Variants in PTPRD observed in about 807,000 individuals in gnomAD.
PTPRD encodes receptor-type tyrosine-protein phosphatase delta.
A neutral mutation model predicts 214.5 loss-of-function variants in PTPRD; 34 were observed. That is an observed-to-expected ratio of 0.16 (90% CI 0.12 to 0.21). The LOEUF (loss-of-function observed/expected upper bound fraction) is 0.21. Among genes scored for constraint, PTPRD ranks in the 10% least tolerant of loss-of-function variants. The probability of loss-of-function intolerance (pLI) is 1.00; values close to 1 mark genes in which losing one functional copy is unlikely to be tolerated. For synonymous variants in PTPRD, 1,128 were observed against 845.7 expected, an observed-to-expected ratio of 1.33 and a Z score of -5.79; for missense variants, 2,545 against 2,398.7, an observed-to-expected ratio of 1.06 and a Z score of -1.27.
At chr9:10,433,103 T>C (rs111657787) in intron 2 of PTPRD, among the ~76,000 whole-genome samples, 6 of 152,036 alleles carry the variant, frequency 3.9e-5, no homozygotes, top group African/African-American at 1.4e-4. Context: ...TGTATGTGTT[T>C]GTCCTTTTCT....
At chr9:9,292,410 A>C (rs1167527322) in intron 9 of PTPRD, among the ~76,000 whole-genome samples, 1 of 151,450 alleles carries the variant, frequency 6.6e-6, no homozygotes, top group African/African-American at 2.4e-5. Context: ...TCAGTAACAC[A>C]TAAGAGGTTT....
chr9:8,736,997 C>A (rs572749547), intron 11 of PTPRD, among the ~76,000 whole-genome samples: 1 of 152,172 alleles, frequency 6.6e-6, no homozygotes, highest in Non-Finnish European at 1.5e-5. Flanking sequence ...TCAGTCCTGT[C>A]GGACTCAATT....
At chr9:8,616,811 C>T (rs1324347059) in intron 14 of PTPRD, among the ~76,000 whole-genome samples, 2 of 152,094 alleles carry the variant, frequency 1.3e-5, no homozygotes, top group Admixed American at 1.3e-4. Context: ...ATGTGATTTA[C>T]TCTGGCTAAA....
rs35974453 is a variant in PTPRD at position 10,280,775 on chromosome 9, A to AT, written c.-545+60187dup. Among the ~76,000 whole-genome samples the AT allele has an allele frequency of 1.9e-3, 276 of 147,754 alleles. 1 individual carries two copies. Among genetic ancestry groups the AT allele is most frequent in the African/African-American group, 5.0e-3 (201 of 40,554 alleles). On this transcript the variant is annotated intron_variant, in intron 3 of 45. Coordinates refer to ENST00000381196, the MANE Select transcript of PTPRD (RefSeq NM_002839.4). ...CAGGCATGCACCACAACACATGGCA[A>AT]TTTTTTTTTTTTTATTTTCTGTAGA...
intron 6 of PTPRD, among the ~76,000 whole-genome samples, chr9:9,763,882 A>G (rs1459990747): frequency 6.6e-6 from 1 of 152,184 alleles, no homozygotes; most frequent in Non-Finnish European, 1.5e-5. Flanking sequence ...TTGAAATATT[A>G]TGCATTCTTG....
At chr9:10,484,530 A>G (rs904007291) in intron 2 of PTPRD, among the ~76,000 whole-genome samples, 6 of 152,032 alleles carry the variant, frequency 3.9e-5, no homozygotes, top group African/African-American at 1.4e-4. Context: ...TCTTTTCTCC[A>G]TATCCTTGTT....
chr9:10,262,915 A>G (rs542198580), intron 3 of PTPRD, among the ~76,000 whole-genome samples: 2 of 152,168 alleles, frequency 1.3e-5, no homozygotes, highest in South Asian at 4.2e-4. Flanking sequence ...CTGAGGGGAG[A>G]TAATTGAATA....
At chr9:8,607,408 G>C (rs1564678748) in intron 14 of PTPRD, among the ~76,000 whole-genome samples, 1 of 152,178 alleles carries the variant, frequency 6.6e-6, no homozygotes, top group African/African-American at 2.4e-5. Flanking sequence ...ACTTTGGGAG[G>C]CTGAGGTGGG....
chr9:9,512,399 A>G (rs2096731056), intron 8 of PTPRD, among the ~76,000 whole-genome samples: 3 of 151,886 alleles, frequency 2.0e-5, no homozygotes, highest in Non-Finnish European at 2.9e-5. Flanking sequence ...GAGATAAAGT[A>G]TGCCCTTGAA....
In PTPRD at chr9:8,321,512, T is replaced by TAA. The variant is rs1385896402; in HGVS notation, c.5535-1547_5535-1546insTT. Among the ~76,000 whole-genome samples the TAA allele has an allele frequency of 2.4e-5, 3 of 126,088 alleles. No homozygotes were observed. The East Asian group carries it at 6.6e-4, about 28-fold the overall frequency. The allele number at this position is 126,088 out of a possible 152,430, so 82.7% of individuals were successfully genotyped here. A position where few individuals can be genotyped will look rare whatever the true frequency, so the allele number is the denominator to read the frequency against. On this transcript the variant is annotated intron_variant, in intron 44 of 45. Coordinates refer to ENST00000381196, the MANE Select transcript of PTPRD (RefSeq NM_002839.4). ...GTATATATATATATATATATATATA[T>TAA]ATATATATATATATAAAAGGTATAT... is the stretch of plus-strand genomic sequence containing the variant.
chr9:9,236,864 C>G (rs2099967102), intron 9 of PTPRD, among the ~76,000 whole-genome samples: 1 of 152,046 alleles, frequency 6.6e-6, no homozygotes, highest in African/African-American at 2.4e-5. Context: ...CGCCAGCTCT[C>G]AATGTGTTGT....
intron 4 of PTPRD, among the ~76,000 whole-genome samples, chr9:9,990,488 G>A (rs372930000): frequency 6.6e-6 from 1 of 152,174 alleles, no homozygotes; most frequent in African/African-American, 2.4e-5. Flanking sequence ...TTTAGCACCT[G>A]GGTGTGCCCA....
At position 10,535,145 on chromosome 9, in the gene PTPRD, G is replaced by T. The variant is rs1395601284; in HGVS notation, c.-600+77253C>A. Among the ~76,000 whole-genome samples, 4 of 152,198 alleles carry T rather than the reference G, an allele frequency of 2.6e-5. No individual in the cohort carries two copies. In the East Asian group the frequency reaches 7.7e-4, roughly 29 times the overall value. On this transcript the variant is annotated intron_variant, in intron 2 of 45. Coordinates refer to ENST00000381196, the MANE Select transcript of PTPRD (RefSeq NM_002839.4). ...AGAAACATATTGTGGCTTGTTTTAT[G>T]GAGAATATGTTTTATAAACCCCAAG...
intron 12 of PTPRD, among the ~76,000 whole-genome samples, chr9:8,682,700 A>G (rs1290444432): frequency 6.6e-6 from 1 of 152,206 alleles, no homozygotes; most frequent in Non-Finnish European, 1.5e-5. Context: ...TTTAAGGAAA[A>G]TTAAGGAGGC....
chr9:10,148,230 G>A (rs1268791860), intron 3 of PTPRD, among the ~76,000 whole-genome samples: 2 of 152,098 alleles, frequency 1.3e-5, no homozygotes, highest in African/African-American at 4.8e-5. Flanking sequence ...CGGGAAAGAA[G>A]GCAACACTCA....
rs141520546 is a variant in PTPRD at position 8,372,511 on chromosome 9, G to C, written c.4661+3425C>G. Among the ~76,000 whole-genome samples the C allele has an allele frequency of 1.0e-2, 1,521 of 152,126 alleles. 19 individuals carry two copies. The highest frequency in any genetic ancestry group is 0.035 in the African/African-American group (1,468 of 41,534). On this transcript the variant is annotated intron_variant, in intron 39 of 45. Transcript: ENST00000381196. ...TAAATAATTTGTCCAAAGGCATACA[G>C]CCAGTAAGTAAACAAGCTGACATTT...
intron 8 of PTPRD, among the ~76,000 whole-genome samples, chr9:9,528,533 G>T (rs1453344413): frequency 1.3e-5 from 2 of 152,106 alleles, no homozygotes; most frequent in Non-Finnish European, 2.9e-5. Context: ...GATGGCAAAA[G>T]TAGAGAACAA....
chr9:10,583,370 T>C (rs1188109503), intron 2 of PTPRD, among the ~76,000 whole-genome samples: 2 of 152,068 alleles, frequency 1.3e-5, no homozygotes, highest in Non-Finnish European at 2.9e-5. Flanking sequence ...GCCAGTTTCT[T>C]GGAGGATATT....
At chr9:8,604,583 A>C (rs17573565) in intron 14 of PTPRD, among the ~76,000 whole-genome samples, 23,221 of 152,146 alleles carry the variant, frequency 0.15, 1,901 homozygotes, top group South Asian at 0.19. Context: ...CAAAGTGGAC[A>C]GTCAAGGAAC....
Sources: gnomAD v4.1 joint callset for allele counts (sites outside exome capture counted in the v4.1 genomes callset) on GRCh38, gnomAD v4.1.1 for gene constraint, MANE v1.5 for transcripts, NCBI Gene and HGNC (gene_info 2026-07-23, HGNC 2026-07-21) for gene names.